The following CTNNA2 variants were observed in gnomAD, a reference collection of about 807,000 sequenced individuals.
The protein encoded by CTNNA2 is catenin alpha 2.
In CTNNA2, 42 loss-of-function variants were observed where a neutral mutation model predicts 101.0. The observed-to-expected ratio is 0.42, with a 90% CI of 0.32 to 0.54. The LOEUF (loss-of-function observed/expected upper bound fraction) is 0.54, where lower values mean the gene tolerates loss of function less well. Ranked by LOEUF, CTNNA2 falls within the 20% of genes least tolerant of loss-of-function variation. CTNNA2 has a pLI of 0.14. For missense variants in CTNNA2, 871 were observed against 1,223.1 expected (o/e 0.71, Z 4.29); for synonymous variants, 450 against 456.4 (o/e 0.99, Z 0.18).
At chr2:80,569,629 T>G (rs1411032432) in intron 12 of CTNNA2, among the ~76,000 whole-genome samples, 1 of 129,308 alleles carries the variant, frequency 7.7e-6, no homozygotes, top group African/African-American at 2.8e-5. Flanking sequence ...TTTGGGGTAT[T>G]TAGGTTTTTT....
chr2:80,152,053 C>T (rs1351714644), intron 7 of CTNNA2, among the ~76,000 whole-genome samples: 2 of 152,162 alleles, frequency 1.3e-5, no homozygotes, highest in Non-Finnish European at 2.9e-5. Flanking sequence ...GCAGGCTATC[C>T]AATAAAGGGG....
At chr2:80,284,679 A>G (rs559280468) in intron 7 of CTNNA2, among the ~76,000 whole-genome samples, 94 of 152,140 alleles carry the variant, frequency 6.2e-4, no homozygotes, top group African/African-American at 2.2e-3. Flanking sequence ...GAGGCAGGGC[A>G]GGATTTGAAC....
At chr2:80,146,506 C>A (rs1363332346) in intron 7 of CTNNA2, among the ~76,000 whole-genome samples, 1 of 151,890 alleles carries the variant, frequency 6.6e-6, no homozygotes, top group African/African-American at 2.4e-5. Flanking sequence ...CCATTTTTTT[C>A]TCTATCCGTG....
chr2:80,194,307 C>T (rs1298996050), intron 7 of CTNNA2, among the ~76,000 whole-genome samples: 2 of 152,204 alleles, frequency 1.3e-5, no homozygotes, highest in Non-Finnish European at 2.9e-5. Flanking sequence ...TTTAAGCCGT[C>T]ATGCCAAGAG....
intron 18 of CTNNA2, among the ~76,000 whole-genome samples, chr2:80,641,111 G>A (rs570107984): frequency 2.6e-5 from 4 of 152,220 alleles, no homozygotes; most frequent in African/African-American, 9.6e-5. Flanking sequence ...TTACAAAAAT[G>A]AAAATAAAAT....
chr2:79,894,946 C>G (rs1684595568), intron 6 of CTNNA2, among the ~76,000 whole-genome samples: 1 of 152,190 alleles, frequency 6.6e-6, no homozygotes, highest in Admixed American at 6.5e-5. Flanking sequence ...GTTTATCCAT[C>G]CTAACTTCTC....
chr2:80,229,529 G>A (rs1177346765), intron 7 of CTNNA2, among the ~76,000 whole-genome samples: 1 of 152,152 alleles, frequency 6.6e-6, no homozygotes, highest in African/African-American at 2.4e-5. Context: ...ATGAGGGATG[G>A]GTGCAGAGCT....
rs116709144 is a variant in CTNNA2 at position 79,961,473 on chromosome 2, C to T, written c.1056+51676C>T. Among the ~76,000 whole-genome samples, 1,034 of 152,210 alleles carry T rather than the reference C, an allele frequency of 6.8e-3. 8 individuals carry two copies. Among genetic ancestry groups the T allele is most frequent in the African/African-American group, 0.023 (961 of 41,514 alleles). On this transcript the variant is annotated intron_variant, in intron 7 of 18. Coordinates refer to ENST00000402739, the MANE Select transcript of CTNNA2 (RefSeq NM_001282597.3). ...CAGCAAAGTGAAGTTCTGATTGCAA[C>T]GGTGAAGGCTTGAGAGCAGTATGCA... is the stretch of plus-strand genomic sequence containing the variant.
chr2:80,176,999 T>A (rs987230978), intron 7 of CTNNA2, among the ~76,000 whole-genome samples: 1 of 152,176 alleles, frequency 6.6e-6, no homozygotes, highest in Non-Finnish European at 1.5e-5. Context: ...TGGATGCTGA[T>A]TCAGATCATA....
At chr2:80,006,517 T>C (rs1693361877) in intron 7 of CTNNA2, among the ~76,000 whole-genome samples, 1 of 151,970 alleles carries the variant, frequency 6.6e-6, no homozygotes, top group Admixed American at 6.6e-5. Context: ...ACCAGGTTTC[T>C]CCATGTTGGT....
At chr2:79,870,652 A>G (rs1682516425) in intron 5 of CTNNA2, among the ~76,000 whole-genome samples, 1 of 152,158 alleles carries the variant, frequency 6.6e-6, no homozygotes, top group Non-Finnish European at 1.5e-5. Flanking sequence ...ACTGACTCAC[A>G]GTTCCACATG....
At chr2:80,502,410 T>C (rs1407690112) in intron 9 of CTNNA2, among the ~76,000 whole-genome samples, 1 of 152,224 alleles carries the variant, frequency 6.6e-6, no homozygotes, top group Non-Finnish European at 1.5e-5. Flanking sequence ...CAGATGCACC[T>C]GCCCACTCAG....
At chr2:80,172,734 G>T (rs1370092603) in intron 7 of CTNNA2, among the ~76,000 whole-genome samples, 1 of 152,198 alleles carries the variant, frequency 6.6e-6, no homozygotes, top group Admixed American at 6.5e-5. Flanking sequence ...GTTCCTTGCA[G>T]CTCTTCTAGT....
rs187604070 is a variant in CTNNA2, at chr2:80,591,993, A to G, written c.2189+2508A>G. Among the ~76,000 whole-genome samples, 56 of 152,178 alleles carry G rather than the reference A, an allele frequency of 3.7e-4. No homozygotes were observed. In the East Asian group the frequency reaches 0.01, roughly 28 times the overall value. ...GAATGCATGCTTTTCTTTTCATGTC[A>G]TTTTTCAGAAAGAAATCGCATGTTG... On this transcript the variant is annotated intron_variant, in intron 15 of 18. Coordinates refer to ENST00000402739, the MANE Select transcript of CTNNA2 (RefSeq NM_001282597.3).
chr2:79,208,232 G>T (rs938553623), intron 2 of CTNNA2, among the ~76,000 whole-genome samples: 1 of 152,098 alleles, frequency 6.6e-6, no homozygotes, highest in Non-Finnish European at 1.5e-5. Context: ...ATTATCCTGT[G>T]CATTTAGTAT....
intron 7 of CTNNA2, among the ~76,000 whole-genome samples, chr2:80,339,642 C>G (rs778660850): frequency 2.6e-5 from 4 of 152,096 alleles, no homozygotes; most frequent in Non-Finnish European, 4.4e-5. Context: ...GATTAAATAC[C>G]TACCATGGGT....
intron 2 of CTNNA2, among the ~76,000 whole-genome samples, chr2:79,275,838 T>C (rs1675197893): frequency 6.6e-6 from 1 of 151,902 alleles, no homozygotes; most frequent in African/African-American, 2.4e-5. Context: ...TGCCCTCAGA[T>C]AATTTATATT....
intron 7 of CTNNA2, among the ~76,000 whole-genome samples, chr2:80,212,613 G>A (rs1346439148): frequency 3.9e-5 from 6 of 152,080 alleles, no homozygotes; most frequent in East Asian, 1.9e-4. Context: ...TGCCGGATTC[G>A]GTTTGCCAGT....
intron 2 of CTNNA2, among the ~76,000 whole-genome samples, chr2:79,652,337 A>C (rs1478774429): frequency 2.0e-5 from 3 of 151,998 alleles, no homozygotes; most frequent in Non-Finnish European, 4.4e-5. Flanking sequence ...AAGCAGCACA[A>C]ATTTATTATT....
Sources: gnomAD v4.1 joint callset for allele counts (sites outside exome capture counted in the v4.1 genomes callset) on GRCh38, gnomAD v4.1.1 for gene constraint, MANE v1.5 for transcripts, NCBI Gene and HGNC (gene_info 2026-07-23, HGNC 2026-07-21) for gene names.